The following VPS50 variants were observed in gnomAD, a reference collection of about 807,000 sequenced individuals.
VPS50 encodes syndetin.
VPS50 carries 70 observed loss-of-function variants against 139.7 expected under a neutral mutation model. That is an observed-to-expected ratio of 0.50 (90% CI 0.41 to 0.61). The LOEUF (loss-of-function observed/expected upper bound fraction) is 0.61. Ranked by LOEUF, VPS50 falls within the 20% of genes least tolerant of loss-of-function variation. The pLI is 0.00. For synonymous variants in VPS50, 365 were observed against 376.7 expected (o/e 0.97, Z 0.36); for missense variants, 921 against 1,133.7 (o/e 0.81, Z 2.69).
At chr7:93,292,131 C>T (rs1179931993) in intron 13 of VPS50, among the ~76,000 whole-genome samples, 1 of 151,910 alleles carries the variant, frequency 6.6e-6, no homozygotes, top group African/African-American at 2.4e-5. Context: ...TTATTAGTTG[C>T]AAACTAGATA....
intron 2 of VPS50, among the ~76,000 whole-genome samples, chr7:93,250,680 C>T (rs1303246372): frequency 6.6e-6 from 1 of 152,026 alleles, no homozygotes; most frequent in African/African-American, 2.4e-5. Context: ...CAACAAAAAC[C>T]AAAATAGACA....
chr7:93,279,014 C>T (rs992570223), intron 12 of VPS50, among the ~76,000 whole-genome samples: 2 of 152,108 alleles, frequency 1.3e-5, no homozygotes, highest in East Asian at 1.9e-4. Flanking sequence ...CAAATATTGG[C>T]GATGGCTTAA....
chr7:93,252,469 T>C (rs910061900), intron 2 of VPS50, among the ~76,000 whole-genome samples, 184 bp from the exon 3 acceptor site: 1 of 152,154 alleles, frequency 6.6e-6, no homozygotes, highest in Non-Finnish European at 1.5e-5. Context: ...CTTCTGTAGT[T>C]GTTAGTGTTA....
chr7:93,239,803 A>G, intron 1 of VPS50, 63 bp from the exon 2 acceptor site: 1 of 942,004 alleles, frequency 1.1e-6, no homozygotes, highest in Admixed American at 1.8e-5. Flanking sequence ...CAGTAGGTGT[A>G]TTCTATCCTT....
At chr7:93,319,811 G>A (rs1031446143) in intron 20 of VPS50, among the ~76,000 whole-genome samples, 4 of 151,776 alleles carry the variant, frequency 2.6e-5, no homozygotes, top group Non-Finnish European at 5.9e-5. Context: ...TACTCAAATT[G>A]GTCCTTTATA....
At chr7:93,268,363 G>A (rs1213032190) in intron 9 of VPS50, among the ~76,000 whole-genome samples, 3 of 152,036 alleles carry the variant, frequency 2.0e-5, no homozygotes, top group Non-Finnish European at 1.5e-5. Context: ...ACATGTGCAG[G>A]ATGTGCATGT....
At chr7:93,239,326 A>G (rs1221433488) in intron 1 of VPS50, among the ~76,000 whole-genome samples, 2 of 152,218 alleles carry the variant, frequency 1.3e-5, no homozygotes, top group Non-Finnish European at 2.9e-5. Context: ...CAGGGCACCA[A>G]AGAACTAAAG....
At chr7:93,254,247 C>G (rs546990835) in intron 4 of VPS50, among the ~76,000 whole-genome samples, 2 of 152,156 alleles carry the variant, frequency 1.3e-5, no homozygotes, top group East Asian at 3.9e-4. Flanking sequence ...TATGATTTCC[C>G]TACCCATAGT....
chr7:93,359,067 T>G lies in VPS50; in HGVS notation c.*631T>G, dbSNP rs1031462819. 1.3e-5 allele frequency: 2 copies of G among 152,180 alleles called. No individual in the cohort carries two copies. Among genetic ancestry groups the G allele is most frequent in the South Asian group, 4.1e-4 (2 of 4,832 alleles). 9.4% of individuals were successfully genotyped at this position (152,180 alleles called of 1,614,324 possible). A position where few individuals can be genotyped will look rare whatever the true frequency, so the allele number is the denominator to read the frequency against. On this transcript the variant is annotated 3_prime_UTR_variant, in exon 28 of 28. Coordinates refer to ENST00000305866, the MANE Select transcript of VPS50 (RefSeq NM_017667.4). ...TGATTTTTTGTGTGGCATGCAGATG[T>G]CATGAACTATAGTGCAGCTTTTAGT...
rs1795756956 is a variant in VPS50, at chr7:93,263,758, C to T, written c.659+4126C>T. Among the ~76,000 whole-genome samples the T allele has an allele frequency of 3.3e-5, 5 of 152,128 alleles. No homozygotes were observed. In the South Asian group the frequency reaches 1.0e-3, roughly 32 times the overall value. On this transcript the variant is annotated intron_variant, in intron 9 of 27. Transcript: ENST00000305866. ...GATTATATGACTAGGTAGTTTAATA[C>T]ATGAAATGCCAAGTATAATCGGCTC...
At chr7:93,240,241 ACACACACACTCTCT>A (rs1562844787) in intron 2 of VPS50, among the ~76,000 whole-genome samples, 1 of 145,944 alleles carries the variant, frequency 6.9e-6, no homozygotes, top group African/African-American at 2.6e-5. Context: ...ACACACACAC[ACACACACACTCTCT>A]CTCTCTCTCT....
intron 22 of VPS50, among the ~76,000 whole-genome samples, chr7:93,337,880 TG>T (rs550089705): frequency 3.9e-5 from 6 of 152,080 alleles, no homozygotes; most frequent in Non-Finnish European, 8.8e-5. Context: ...CAGCCCTGCT[TG>T]CCTTAAGTTT....
At chr7:93,271,067 T>C (rs769898045) in intron 9 of VPS50, 153 bp from the exon 10 acceptor site, 33 of 1,193,190 alleles carry the variant, frequency 2.8e-5, no homozygotes, top group Non-Finnish European at 3.6e-5. Flanking sequence ...CTTTTTCTTA[T>C]TGCATTGTCT....
intron 16 of VPS50, among the ~76,000 whole-genome samples, chr7:93,299,227 G>A (rs1031138463): frequency 6.6e-6 from 1 of 152,156 alleles, no homozygotes; most frequent in Non-Finnish European, 1.5e-5. Flanking sequence ...AACCATCAAT[G>A]TGTTCTAAGG....
intron 12 of VPS50, among the ~76,000 whole-genome samples, chr7:93,286,071 C>T (rs1414419929): frequency 2.6e-5 from 4 of 151,972 alleles, no homozygotes; most frequent in Non-Finnish European, 5.9e-5. Flanking sequence ...ATCTTTTCCC[C>T]TCACTTTACA....
At chr7:93,282,485 G>T (rs930808974) in intron 12 of VPS50, among the ~76,000 whole-genome samples, 10 of 152,220 alleles carry the variant, frequency 6.6e-5, no homozygotes, top group Non-Finnish European at 1.3e-4. Context: ...AAGGCTTTTG[G>T]TTTGTCTTTC....
chr7:93,350,402 T>G (rs1275483313), intron 25 of VPS50, among the ~76,000 whole-genome samples: 1 of 152,166 alleles, frequency 6.6e-6, no homozygotes, highest in African/African-American at 2.4e-5. Flanking sequence ...CCTCTGATTA[T>G]TCGGGGTAAA....
At chr7:93,348,426 C>G (rs937514371) in intron 23 of VPS50, among the ~76,000 whole-genome samples, 4 of 152,202 alleles carry the variant, frequency 2.6e-5, no homozygotes, top group Admixed American at 2.6e-4. Flanking sequence ...GGGCTCACAT[C>G]TTACATTTGA....
chr7:93,259,934 T>G (rs1449816489), intron 9 of VPS50, among the ~76,000 whole-genome samples: 1 of 152,194 alleles, frequency 6.6e-6, no homozygotes, highest in African/African-American at 2.4e-5. Flanking sequence ...TCTGTTCATA[T>G]CTCCAATGCA....
Sources: gnomAD v4.1 joint callset for allele counts (sites outside exome capture counted in the v4.1 genomes callset) on GRCh38, gnomAD v4.1.1 for gene constraint, MANE v1.5 for transcripts, NCBI Gene and HGNC (gene_info 2026-07-23, HGNC 2026-07-21) for gene names.